The following SPOCK1 variants were observed in gnomAD, a reference collection of about 807,000 sequenced individuals.
SPOCK1 encodes the protein SPARC (osteonectin), cwcv and kazal like domains proteoglycan 1, also known as testican-1.
A neutral mutation model predicts 55.3 loss-of-function variants in SPOCK1; 23 were observed. The observed-to-expected ratio is 0.42, with a 90% CI of 0.30 to 0.59. The LOEUF (loss-of-function observed/expected upper bound fraction) is 0.59, where lower values mean the gene tolerates loss of function less well. Ranked by LOEUF, SPOCK1 falls within the 20% of genes least tolerant of loss-of-function variation. The pLI, the probability that SPOCK1 is intolerant of heterozygous loss-of-function variation, is 0.22. For synonymous variants in SPOCK1, 226 were observed against 221.0 expected, an observed-to-expected ratio of 1.02 and a Z score of -0.20; for missense variants, 499 against 552.5, an observed-to-expected ratio of 0.90 and a Z score of 0.97.
intron 2 of SPOCK1, among the ~76,000 whole-genome samples, chr5:137,424,038 A>G (rs1030761993): frequency 6.6e-6 from 1 of 152,156 alleles, no homozygotes; most frequent in Non-Finnish European, 1.5e-5. Context: ...TATTTGTTGA[A>G]AGTCTATCCT....
intron 2 of SPOCK1, among the ~76,000 whole-genome samples, chr5:137,301,111 A>G (rs1332841524): frequency 6.6e-6 from 1 of 152,206 alleles, no homozygotes; most frequent in Non-Finnish European, 1.5e-5. Flanking sequence ...CTCTTTGTCT[A>G]TGCCTCCATT....
At chr5:137,328,692 T>G (rs1202750225) in intron 2 of SPOCK1, among the ~76,000 whole-genome samples, 3 of 152,156 alleles carry the variant, frequency 2.0e-5, no homozygotes, top group Non-Finnish European at 2.9e-5. Flanking sequence ...GCAGGTGCTA[T>G]TCTCATTCGC....
At chr5:137,007,887 C>T (rs1220394461) in intron 6 of SPOCK1, among the ~76,000 whole-genome samples, 4 of 152,076 alleles carry the variant, frequency 2.6e-5, no homozygotes, top group Non-Finnish European at 5.9e-5. Context: ...TTGGAACCAA[C>T]CCAAATGCCC....
chr5:137,354,107 C>T (rs930638034), intron 2 of SPOCK1, among the ~76,000 whole-genome samples: 1 of 152,178 alleles, frequency 6.6e-6, no homozygotes, highest in Non-Finnish European at 1.5e-5. Context: ...CAACATCTTT[C>T]CACTTACTAC....
chr5:137,181,588 C>A (rs1754969721), intron 3 of SPOCK1, among the ~76,000 whole-genome samples: 1 of 152,152 alleles, frequency 6.6e-6, no homozygotes. Context: ...CAGAAGTCTG[C>A]AGCTTGCCAT....
In SPOCK1 at chr5:137,163,416, T is replaced by G. The variant is rs75999948; in HGVS notation, c.233-22722A>C. On this transcript the variant is annotated intron_variant, in intron 3 of 10. Transcript: ENST00000394945. ...AGTGGGCAAATTCCCTAAGTACCTT[T>G]ATACAAGATATTTTAGGATGATGTG... is the stretch of plus-strand genomic sequence containing the variant. Among the ~76,000 whole-genome samples, 395 of 152,282 alleles carry G rather than the reference T, an allele frequency of 2.6e-3. 3 individuals are homozygous for G. Among genetic ancestry groups the G allele is most frequent in the Admixed American group, 0.016 (250 of 15,294 alleles).
intron 3 of SPOCK1, among the ~76,000 whole-genome samples, chr5:137,172,933 G>T (rs1474063420): frequency 6.6e-6 from 1 of 152,178 alleles, no homozygotes; most frequent in African/African-American, 2.4e-5. Flanking sequence ...AACCAGCTAA[G>T]CACATGGTTG....
chr5:137,239,562 C>T (rs1271419959), intron 3 of SPOCK1, among the ~76,000 whole-genome samples: 1 of 151,926 alleles, frequency 6.6e-6, no homozygotes, highest in South Asian at 2.1e-4. Flanking sequence ...AGGATTGAGT[C>T]CTTTAATTTG....
intron 2 of SPOCK1, among the ~76,000 whole-genome samples, chr5:137,383,454 C>G (rs1291682075): frequency 6.6e-6 from 1 of 152,160 alleles, no homozygotes; most frequent in Non-Finnish European, 1.5e-5. Flanking sequence ...GGGATGGAAA[C>G]AGATTTGTGG....
chr5:137,108,555 C>A (rs140484457), intron 5 of SPOCK1, among the ~76,000 whole-genome samples: 1 of 152,112 alleles, frequency 6.6e-6, no homozygotes, highest in Non-Finnish European at 1.5e-5. Context: ...AGACCATGGG[C>A]GTAAAACTCC....
intron 5 of SPOCK1, among the ~76,000 whole-genome samples, chr5:137,106,257 A>C (rs1217209385): frequency 6.6e-6 from 1 of 152,150 alleles, no homozygotes; most frequent in Non-Finnish European, 1.5e-5. Flanking sequence ...AGAGTGAGAA[A>C]GCCTGAGACT....
intron 3 of SPOCK1, among the ~76,000 whole-genome samples, chr5:137,164,568 A>C (rs538883590): frequency 1.4e-4 from 21 of 152,206 alleles, no homozygotes; most frequent in South Asian, 6.2e-4. Context: ...TTTGTACCTT[A>C]GGTACCAACT....
At chr5:137,186,450 T>G (rs1050774570) in intron 3 of SPOCK1, among the ~76,000 whole-genome samples, 2 of 152,210 alleles carry the variant, frequency 1.3e-5, no homozygotes, top group African/African-American at 4.8e-5. Flanking sequence ...AGCATTGTCT[T>G]GGAAGGACTC....
At chr5:137,121,891 A>G (rs1045633422) in intron 4 of SPOCK1, among the ~76,000 whole-genome samples, 7 of 146,454 alleles carry the variant, frequency 4.8e-5, no homozygotes, top group Non-Finnish European at 9.0e-5. Context: ...TATAATTATT[A>G]GTATATGTTA....
rs560292532 is a variant in SPOCK1 at position 137,410,555 on chromosome 5, C to T, written c.186+87818G>A. 2.2e-4 allele frequency among the ~76,000 whole-genome samples: 33 copies of T among 152,348 alleles called. No individual in the cohort carries two copies. In the South Asian group the frequency reaches 5.2e-3, roughly 24 times the overall value. The stretch of plus-strand genomic sequence containing the variant: ...TGGTTTCATTATTCCAAACAAGTTC[C>T]GTTCTGTGCCCTTTGGATAATTGGC... On this transcript the variant is annotated intron_variant, in intron 2 of 10. Coordinates refer to ENST00000394945, the MANE Select transcript of SPOCK1 (RefSeq NM_004598.4).
chr5:137,476,154 TC>T (rs1474558815), intron 2 of SPOCK1, among the ~76,000 whole-genome samples: 1 of 152,080 alleles, frequency 6.6e-6, no homozygotes, highest in Non-Finnish European at 1.5e-5. Context: ...AAGCCTAGTA[TC>T]CAACAGTTAT....
chr5:137,495,746 C>T (rs1445666380), intron 2 of SPOCK1, among the ~76,000 whole-genome samples: 1 of 152,194 alleles, frequency 6.6e-6, no homozygotes, highest in South Asian at 2.1e-4. Flanking sequence ...CAAATTCTTA[C>T]CCTCTGTTCC....
intron 6 of SPOCK1, among the ~76,000 whole-genome samples, chr5:137,028,618 T>A (rs1751720376): frequency 6.6e-6 from 1 of 151,992 alleles, no homozygotes. Context: ...GGTAGAGAGA[T>A]CAGTGAGGTC....
In SPOCK1 at chr5:137,467,731, T is replaced by C. The variant is rs542764770; in HGVS notation, c.186+30642A>G. ...GGGCAGGGCCGGTAAAGAGACAGCATTTCAGACACAAAGGGAATAGAGTTT... is the reference window on the plus strand; with the variant it reads ...GGGCAGGGCCGGTAAAGAGACAGCACTTCAGACACAAAGGGAATAGAGTTT... On this transcript the variant is annotated intron_variant, in intron 2 of 10. Coordinates refer to ENST00000394945, the MANE Select transcript of SPOCK1 (RefSeq NM_004598.4). 2.6e-5 allele frequency among the ~76,000 whole-genome samples: 4 copies of C among 152,288 alleles called. No homozygotes were observed. In the South Asian group the frequency reaches 8.3e-4, roughly 32 times the overall value.
Sources: allele counts gnomAD v4.1 joint callset (sites outside exome capture counted in the v4.1 genomes callset), GRCh38; gene constraint gnomAD v4.1.1; transcripts MANE v1.5; gene names NCBI Gene and HGNC (gene_info 2026-07-23, HGNC 2026-07-21).